CYP4Z1: variants seen among roughly 807,000 people sequenced by gnomAD.
CYP4Z1 encodes the protein cytochrome P450 4Z1.
In CYP4Z1, 41 loss-of-function variants were observed where a neutral mutation model predicts 54.2. The ratio of observed to expected loss-of-function variants is 0.76; its 90% CI spans 0.59 to 0.98. CYP4Z1 has a LOEUF of 0.98. CYP4Z1 is among the 50% of genes least tolerant of loss of function. The probability of loss-of-function intolerance (pLI) is 0.00; values close to 1 mark genes in which losing one functional copy is unlikely to be tolerated. For synonymous variants in CYP4Z1, 163 were observed against 206.2 expected (o/e 0.79, Z 1.79); for missense variants, 513 against 599.0 (o/e 0.86, Z 1.50).
Position 47,115,737 on chromosome 1 carries a change from G to A in CYP4Z1, c.1266+144G>A, listed in dbSNP as rs1446227060. ...CAGAACAAAAACCCTATGCTTTTAAGAGAAAACTACATTTGCATTTATAAT... is the reference window on the plus strand; with the variant it reads ...CAGAACAAAAACCCTATGCTTTTAAAAGAAAACTACATTTGCATTTATAAT... On this transcript the variant is annotated intron_variant, in intron 10 of 11. Coordinates refer to ENST00000334194, the MANE Select transcript of CYP4Z1 (RefSeq NM_178134.3). 9.2e-6 allele frequency: 7 copies of A among 758,644 alleles called. No individual in the cohort carries two copies. In the Admixed American group the frequency reaches 1.1e-4, roughly 12 times the overall value. 47.0% of individuals were successfully genotyped at this position (758,644 alleles called of 1,614,324 possible). A position where few individuals can be genotyped will look rare whatever the true frequency, so the allele number is the denominator to read the frequency against.
intron 1 of CYP4Z1, 93 bp from the exon 2 acceptor site, chr1:47,068,529 A>G (rs1331637699): frequency 1.3e-6 from 2 of 1,501,204 alleles, no homozygotes; most frequent in Non-Finnish European, 1.8e-6. Context: ...TGGTGTCCAC[A>G]GATCCTCAAC....
chr1:47,090,036 TTC>T (rs1323338278), intron 6 of CYP4Z1, among the ~76,000 whole-genome samples: 3 of 152,238 alleles, frequency 2.0e-5, no homozygotes, highest in African/African-American at 7.2e-5. Flanking sequence ...TACTTAAAAT[TTC>T]TGACATGTCC....
chr1:47,091,082 G>GCAAAGGATTTTAAGGACTTTC (rs1644635393), intron 6 of CYP4Z1, among the ~76,000 whole-genome samples: 1 of 128,532 alleles, frequency 7.8e-6, no homozygotes, highest in Non-Finnish European at 1.6e-5. Context: ...GAAAAGCTTG[G>GCAAAGGATTTTAAGGACTTTC]CAAAGGATTT....
At chr1:47,062,432 G>C (rs1326102893), upstream of CYP4Z1, among the ~76,000 whole-genome samples, 1 of 152,144 alleles carries the variant, frequency 6.6e-6, no homozygotes, top group African/African-American at 2.4e-5. Context: ...GAGGCTCGTG[G>C]TCTGGAGCAA....
intron 2 of CYP4Z1, among the ~76,000 whole-genome samples, chr1:47,077,265 T>C (rs80258608): frequency 6.6e-6 from 1 of 152,152 alleles, no homozygotes; most frequent in Non-Finnish European, 1.5e-5. Flanking sequence ...GGTTCTATTG[T>C]TAGGTATATA....
chr1:47,079,305 T>C (rs397833351), intron 2 of CYP4Z1, among the ~76,000 whole-genome samples: 9 of 152,222 alleles, frequency 5.9e-5, no homozygotes, highest in South Asian at 4.1e-4. Flanking sequence ...AGTGGTCTTT[T>C]TTCTGATTAA....
At position 47,116,130 on chromosome 1, in the gene CYP4Z1, C is replaced by T. The variant is rs575033408; in HGVS notation, c.1267-520C>T. On this transcript the variant is annotated intron_variant, in intron 10 of 11. Transcript: ENST00000334194. ...CAAACCAGCGCTCAGACCAACCCCA[C>T]AGCCCAGGAGATACTAATCGGCAGC... 2.4e-4 allele frequency among the ~76,000 whole-genome samples: 36 copies of T among 152,264 alleles called. 1 individual carries two copies. Among genetic ancestry groups the T allele is most frequent in the Admixed American group, 1.6e-3 (24 of 15,288 alleles).
At chr1:47,115,316 T>G (rs368373207) in intron 9 of CYP4Z1, 5 of 394,876 alleles carry the variant, frequency 1.3e-5, no homozygotes, top group South Asian at 2.4e-5. Context: ...GGAGGGGGGA[T>G]GGATAGCATT....
At chr1:47,104,780 C>T (rs1250744018) in intron 8 of CYP4Z1, among the ~76,000 whole-genome samples, 2 of 152,118 alleles carry the variant, frequency 1.3e-5, no homozygotes, top group Non-Finnish European at 2.9e-5. Context: ...TGCCCTCAGA[C>T]CCCCTAGTAG....
intron 6 of CYP4Z1, among the ~76,000 whole-genome samples, chr1:47,088,988 T>C (rs185221210): frequency 1.0e-4 from 15 of 149,394 alleles, no homozygotes; most frequent in Non-Finnish European, 2.1e-4. Context: ...TATTTGTGCT[T>C]TGGTTAGAGC....
intron 9 of CYP4Z1, among the ~76,000 whole-genome samples, chr1:47,110,250 C>T (rs2252181): frequency 1.3e-5 from 2 of 150,594 alleles, no homozygotes; most frequent in South Asian, 2.2e-4. Flanking sequence ...CCATGAAATC[C>T]CCTAAATAAT....
chr1:47,103,425 G>C (rs1366404884), intron 8 of CYP4Z1, among the ~76,000 whole-genome samples: 1 of 151,698 alleles, frequency 6.6e-6, no homozygotes, highest in Non-Finnish European at 1.5e-5. Context: ...CCATCTTACT[G>C]CCTCAGCCTC....
At chr1:47,095,614 G>A (rs561095126) in intron 7 of CYP4Z1, among the ~76,000 whole-genome samples, 1 of 152,118 alleles carries the variant, frequency 6.6e-6, no homozygotes, top group Non-Finnish European at 1.5e-5. Flanking sequence ...CATAATTTTT[G>A]CTTATGTGCC....
At chr1:47,057,218 C>A in the CYP4Z1 span, among the ~76,000 whole-genome samples, 1 of 150,172 alleles carries the variant, frequency 6.7e-6, no homozygotes, top group Non-Finnish European at 1.5e-5. Context: ...GGTTGAAAAT[C>A]CTTTTCTTTA....
chr1:47,057,172 C>T, the CYP4Z1 span, among the ~76,000 whole-genome samples: 1 of 150,942 alleles, frequency 6.6e-6, no homozygotes, highest in Admixed American at 6.6e-5. Context: ...TTCTCCTTCT[C>T]TTATGAAGCT....
At chr1:47,088,351 T>C (rs1186414321) in intron 6 of CYP4Z1, among the ~76,000 whole-genome samples, 1 of 152,192 alleles carries the variant, frequency 6.6e-6, no homozygotes, top group East Asian at 1.9e-4. Context: ...GGTAGGCTAT[T>C]AATTATTGCC....
intron 1 of CYP4Z1, among the ~76,000 whole-genome samples, chr1:47,068,160 C>T (rs1644463884): frequency 1.3e-5 from 2 of 152,154 alleles, no homozygotes; most frequent in Non-Finnish European, 2.9e-5. Context: ...GCAGATAAAG[C>T]ATGAGTGGGT....
At chr1:47,108,223 A>G (rs961093384) in intron 9 of CYP4Z1, among the ~76,000 whole-genome samples, 43 of 151,880 alleles carry the variant, frequency 2.8e-4, no homozygotes, top group Non-Finnish European at 5.0e-4. Context: ...CCCCTCTCAT[A>G]CACACAGGCA....
At chr1:47,091,519 T>C (rs568610370) in intron 6 of CYP4Z1, among the ~76,000 whole-genome samples, 2 of 149,038 alleles carry the variant, frequency 1.3e-5, no homozygotes, top group Admixed American at 1.3e-4. Context: ...TAGGTATAAA[T>C]GTTAGCTACC....
Sources: allele counts gnomAD v4.1 joint callset (sites outside exome capture counted in the v4.1 genomes callset), GRCh38; gene constraint gnomAD v4.1.1; transcripts MANE v1.5; gene names NCBI Gene and HGNC (gene_info 2026-07-23, HGNC 2026-07-21).